Variants in AARS1 observed in about 807,000 individuals in gnomAD.
AARS1 encodes the protein alanyl-tRNA synthetase 1, also known as alanine--tRNA ligase, cytoplasmic.
In AARS1, 72 loss-of-function variants were observed where a neutral mutation model predicts 108.9. The observed-to-expected ratio is 0.66, with a 90% CI of 0.55 to 0.80. AARS1 has a LOEUF of 0.80. Among genes scored for constraint, AARS1 ranks in the 30% least tolerant of loss-of-function variants. AARS1 has a pLI of 0.00. For synonymous variants in AARS1, 489 were observed against 465.7 expected (o/e 1.05, Z -0.64); for missense variants, 1,193 against 1,233.2 (o/e 0.97, Z 0.49).
chr16:70,288,546 G>T (rs1320419565), intron 1 of AARS1, among the ~76,000 whole-genome samples: 1 of 148,756 alleles, frequency 6.7e-6, no homozygotes, highest in Non-Finnish European at 1.5e-5. Flanking sequence ...CATCCCAGCA[G>T]CAACGACTGT....
intron 1 of AARS1, among the ~76,000 whole-genome samples, chr16:70,285,371 C>T (rs572744370): frequency 1.3e-5 from 2 of 152,264 alleles, no homozygotes; most frequent in East Asian, 1.9e-4. Flanking sequence ...CCTTAAACTC[C>T]GAGGCTCAAG....
chr16:70,267,381 A>G (rs925373593), intron 9 of AARS1, among the ~76,000 whole-genome samples: 2 of 152,222 alleles, frequency 1.3e-5, no homozygotes, highest in Non-Finnish European at 2.9e-5. Flanking sequence ...GTTCTACACC[A>G]AACCATTAAG....
chr16:70,265,176 A>G, intron 10 of AARS1, 74 bp from the exon 11 acceptor site: 2 of 1,577,156 alleles, frequency 1.3e-6, no homozygotes, highest in Non-Finnish European at 1.7e-6. Flanking sequence ...GGAACTTGCT[A>G]AACTATGCCC....
chr16:70,281,787 G>A (rs1164649546), intron 2 of AARS1, among the ~76,000 whole-genome samples: 2 of 152,192 alleles, frequency 1.3e-5, no homozygotes, highest in Non-Finnish European at 2.9e-5. Flanking sequence ...AGGAGTCTGA[G>A]GCTACAGCAT....
chr16:70,253,856 C>T lies in AARS1; in HGVS notation c.2521-56G>A, dbSNP rs541254641. The stretch of plus-strand genomic sequence containing the variant: ...AGACCAAAAGCCCAGGCCCCGAACC[C>T]CTGGCTGTTCTGCCAGCCTTTGCCT... On this transcript the variant is annotated intron_variant, in intron 18 of 20. Transcript: ENST00000261772. 8.1e-6 allele frequency: 13 copies of T among 1,614,228 alleles called. No homozygotes were observed. The Admixed American group carries it at 1.5e-4, about 19-fold the overall frequency.
chr16:70,254,009 C>G lies in AARS1; in HGVS notation c.2430G>C (p.Trp810Cys). The stretch of plus-strand genomic sequence containing the variant: ...GAGTCTCCCGCAATTCATCCTTCTG[C>G]CACTGGGGGATGACTGCAGTGGCCA... ...EALATAVIPQ[W>C]QKDELRETLK... Residue 810 changes from tryptophan to cysteine, a missense_variant, in exon 18 of 21, where the codon TGG becomes TGC. Physicochemically the swap from Trp to Cys is radical, Grantham distance 215. Coordinates refer to ENST00000261772, the MANE Select transcript of AARS1 (RefSeq NM_001605.3). The G allele has an allele frequency of 6.2e-7, 1 of 1,614,174 alleles. No homozygotes were observed. The highest frequency in any genetic ancestry group is 8.5e-7 in the Non-Finnish European group (1 of 1,180,028).
chr16:70,261,613 A>T (rs1254969292), intron 12 of AARS1, among the ~76,000 whole-genome samples: 2 of 151,034 alleles, frequency 1.3e-5, no homozygotes, highest in Non-Finnish European at 2.9e-5. Flanking sequence ...AAAAAAAAAA[A>T]AATTAAATAT....
rs771422770 is a variant in AARS1 at position 70,270,195 on chromosome 16, C to T, written c.816+1G>A. 3.1e-6 allele frequency: 5 copies of T among 1,614,136 alleles called. No individual in the cohort carries two copies. Among genetic ancestry groups the T allele is most frequent in the Non-Finnish European group, 4.2e-6 (5 of 1,180,014 alleles). ...TACAATGTTTGCAATAGCACCAGTA[C>T]CTTCTGAATGGCTTCAAAGTAAGGG... On this transcript the variant is annotated splice_donor_variant, in intron 6 of 20. Coordinates refer to ENST00000261772, the MANE Select transcript of AARS1 (RefSeq NM_001605.3). LOFTEE classifies it high-confidence loss of function.
rs555241883 is a variant in AARS1 at position 70,282,777 on chromosome 16, C to T, written c.-14G>A. 139 of 1,613,558 alleles carry T rather than the reference C, an allele frequency of 8.6e-5. 2 individuals carry two copies. Among genetic ancestry groups the T allele is most frequent in the South Asian group, 4.5e-4 (41 of 91,070 alleles). ...AGTAGAGTCCATCTTGAAAGTCACCCCAAAGAACTAATCAAAGAAAAAAAA... is the reference window on the plus strand; with the variant it reads ...AGTAGAGTCCATCTTGAAAGTCACCTCAAAGAACTAATCAAAGAAAAAAAA... On this transcript the variant is annotated 5_prime_UTR_variant, in exon 2 of 21. Transcript: ENST00000261772.
chr16:70,268,430 T>C, intron 7 of AARS1, 51 bp from the exon 8 acceptor site: 1 of 1,525,362 alleles, frequency 6.6e-7, no homozygotes, highest in Non-Finnish European at 9.1e-7. Flanking sequence ...GGGTTTTGTC[T>C]TGAGTCCCTT....
chr16:70,263,859 A>C (rs552963544), intron 11 of AARS1, among the ~76,000 whole-genome samples: 1 of 152,090 alleles, frequency 6.6e-6, no homozygotes, highest in Admixed American at 6.5e-5. Context: ...CTGGTCTCAA[A>C]CACCAGAGCT....
At chr16:70,254,535 C>A (rs1959929594) in intron 17 of AARS1, 86 bp downstream of exon 17, 2 of 978,220 alleles carry the variant, frequency 2.0e-6, no homozygotes, top group Non-Finnish European at 1.6e-6. Flanking sequence ...AGAACCAGGG[C>A]CTGACTGACT....
rs1960842502 is a variant in AARS1 at position 70,286,450 on chromosome 16, T to C, written c.-22+2971A>G. On this transcript the variant is annotated intron_variant, in intron 1 of 20. Coordinates refer to ENST00000261772, the MANE Select transcript of AARS1 (RefSeq NM_001605.3). ...CAGGCAATGGTGCAATCACTTGGCC[T>C]TCCAGGCTCAGGTGTTCCTCCCACC... 2.0e-5 allele frequency among the ~76,000 whole-genome samples: 3 copies of C among 150,490 alleles called. No individual in the cohort carries two copies. In the South Asian group the frequency reaches 6.3e-4, roughly 32 times the overall value.
chr16:70,259,964 G>A (rs1960095326), intron 13 of AARS1, among the ~76,000 whole-genome samples: 1 of 151,954 alleles, frequency 6.6e-6, no homozygotes, highest in Non-Finnish European at 1.5e-5. Context: ...TAGAGACAGG[G>A]TTTCTCCATG....
chr16:70,278,649 C>T (rs1476098687), intron 2 of AARS1, among the ~76,000 whole-genome samples: 2 of 151,974 alleles, frequency 1.3e-5, no homozygotes, highest in Non-Finnish European at 2.9e-5. Context: ...ACACGACTGA[C>T]GGCTGCCATG....
At chr16:70,282,405 G>C (rs1221998139) in intron 2 of AARS1, among the ~76,000 whole-genome samples, 2 of 148,160 alleles carry the variant, frequency 1.3e-5, no homozygotes, top group Non-Finnish European at 3.0e-5. Context: ...TAAACATTTT[G>C]TATGTGTTAT....
chr16:70,274,818 G>C (rs923683361), intron 4 of AARS1, among the ~76,000 whole-genome samples: 8 of 152,132 alleles, frequency 5.3e-5, no homozygotes, highest in African/African-American at 1.9e-4. Flanking sequence ...AGGAAGACTA[G>C]ATATGGGATA....
intron 16 of AARS1, 98 bp from the exon 17 acceptor site, chr16:70,254,832 C>T: frequency 1.3e-6 from 1 of 779,212 alleles, no homozygotes; most frequent in Non-Finnish European, 2.2e-6. Context: ...GTAGGCCTTG[C>T]AGCAACATAC....
In AARS1 at chr16:70,276,644, CAG is replaced by C. The variant is rs1305114725; in HGVS notation, c.334-15_334-14del. The stretch of plus-strand genomic sequence containing the variant: ...TACATGCCAATTCCTACAAAAAGAA[CAG>C]AGAGAAAGATATGGAACATTGCCAA... On this transcript the variant is annotated splice_polypyrimidine_tract_variant and intron_variant, in intron 3 of 20. Coordinates refer to ENST00000261772, the MANE Select transcript of AARS1 (RefSeq NM_001605.3). 5.6e-6 allele frequency: 9 copies of C among 1,613,642 alleles called. No individual in the cohort carries two copies. Among genetic ancestry groups the C allele is most frequent in the Non-Finnish European group, 7.6e-6 (9 of 1,180,002 alleles).
Sources: gnomAD v4.1 joint callset for allele counts (sites outside exome capture counted in the v4.1 genomes callset) on GRCh38, gnomAD v4.1.1 for gene constraint, MANE v1.5 for transcripts, NCBI Gene and HGNC (gene_info 2026-07-23, HGNC 2026-07-21) for gene names.